Variants in SMOC2 observed in about 807,000 individuals in gnomAD.
SMOC2 encodes the protein SPARC-related modular calcium-binding protein 2.
SMOC2 carries 39 observed loss-of-function variants against 61.4 expected under a neutral mutation model. The ratio of observed to expected loss-of-function variants is 0.64; its 90% CI spans 0.49 to 0.83. The LOEUF is 0.83. SMOC2 is among the 40% of genes least tolerant of loss of function. The pLI, the probability that SMOC2 is intolerant of heterozygous loss-of-function variation, is 0.00. For synonymous variants in SMOC2, 247 were observed against 239.9 expected, an observed-to-expected ratio of 1.03 and a Z score of -0.27; for missense variants, 556 against 592.9, an observed-to-expected ratio of 0.94 and a Z score of 0.65.
At chr6:168,621,811 T>C (rs540334448) in intron 9 of SMOC2, among the ~76,000 whole-genome samples, 63 of 152,296 alleles carry the variant, frequency 4.1e-4, no homozygotes, top group African/African-American at 1.4e-3. Flanking sequence ...ACCTTTGACA[T>C]GTGTAGATTA....
intron 4 of SMOC2, 22 bp from the exon 5 acceptor site, chr6:168,543,603 A>C (rs1340565012): frequency 6.2e-7 from 1 of 1,609,050 alleles, no homozygotes; most frequent in African/African-American, 1.3e-5. Flanking sequence ...ATTTCATTTC[A>C]CTCCTTATTT....
intron 7 of SMOC2, 65 bp downstream of exon 7, chr6:168,549,268 T>C: frequency 6.6e-7 from 1 of 1,507,076 alleles, no homozygotes; most frequent in Non-Finnish European, 9.2e-7. Context: ...TGATGGGGTT[T>C]TTTTTTGGAG....
chr6:168,564,840 A>G (rs1167479017), intron 7 of SMOC2, among the ~76,000 whole-genome samples: 4 of 152,202 alleles, frequency 2.6e-5, no homozygotes, highest in African/African-American at 4.8e-5. Flanking sequence ...CTGCTGTGCA[A>G]ACAATGCACT....
At chr6:168,603,176 C>T (rs891717943) in intron 8 of SMOC2, among the ~76,000 whole-genome samples, 1 of 150,698 alleles carries the variant, frequency 6.6e-6, no homozygotes, top group Non-Finnish European at 1.5e-5. Context: ...GTCTCCTTTG[C>T]TTTCTGCCAT....
chr6:168,590,707 G>A (rs978681166), intron 7 of SMOC2, among the ~76,000 whole-genome samples: 3 of 152,086 alleles, frequency 2.0e-5, no homozygotes, highest in Admixed American at 6.5e-5. Flanking sequence ...TGCTTTAGGC[G>A]TCGTCATACT....
At chr6:168,444,361 C>T (rs146644111) in intron 1 of SMOC2, among the ~76,000 whole-genome samples, 295 of 152,290 alleles carry the variant, frequency 1.9e-3, no homozygotes, top group South Asian at 8.3e-3. Context: ...GGTGAGTGTG[C>T]TTTCTTGGTG....
intron 9 of SMOC2, among the ~76,000 whole-genome samples, chr6:168,649,807 C>G (rs2115272100): frequency 6.6e-6 from 1 of 152,280 alleles, no homozygotes; most frequent in East Asian, 1.9e-4. Context: ...AGAGAGGAGA[C>G]CTATGTTGTC....
chr6:168,527,132 G>A (rs540457046), intron 3 of SMOC2, among the ~76,000 whole-genome samples: 1 of 152,184 alleles, frequency 6.6e-6, no homozygotes, highest in Non-Finnish European at 1.5e-5. Context: ...TTACATCATC[G>A]TTTGGCCTTT....
chr6:168,644,239 C>T (rs886864969), intron 9 of SMOC2, among the ~76,000 whole-genome samples: 2 of 152,186 alleles, frequency 1.3e-5, no homozygotes, highest in Non-Finnish European at 2.9e-5. Flanking sequence ...GGGACCCCTC[C>T]GCCCTGGGAA....
chr6:168,467,655 A>G (rs900898026), intron 1 of SMOC2, among the ~76,000 whole-genome samples: 2 of 152,198 alleles, frequency 1.3e-5, no homozygotes, highest in African/African-American at 4.8e-5. Context: ...GGATCTTACT[A>G]TGTTGCCCAG....
intron 8 of SMOC2, among the ~76,000 whole-genome samples, chr6:168,602,854 A>G (rs2115193246): frequency 6.6e-6 from 1 of 152,286 alleles, no homozygotes; most frequent in East Asian, 1.9e-4. Flanking sequence ...TTGTAGCCAC[A>G]GTGGCTGGGG....
intron 1 of SMOC2, among the ~76,000 whole-genome samples, chr6:168,449,105 A>C (rs1043264802): frequency 1.3e-5 from 2 of 152,180 alleles, no homozygotes; most frequent in Non-Finnish European, 2.9e-5. Context: ...AAGTGAACGC[A>C]GACCTGCCTG....
At chr6:168,559,224 G>C (rs1216957934) in intron 7 of SMOC2, among the ~76,000 whole-genome samples, 2 of 152,170 alleles carry the variant, frequency 1.3e-5, no homozygotes, top group Admixed American at 6.5e-5. Context: ...GGGAGGCCAA[G>C]GTGGGTGGAT....
intron 1 of SMOC2, among the ~76,000 whole-genome samples, chr6:168,464,205 G>A (rs1448366129): frequency 7.2e-6 from 1 of 138,994 alleles, no homozygotes; most frequent in African/African-American, 2.9e-5. Context: ...AAAAAAAAGA[G>A]GAAGGAAGAA....
At chr6:168,600,787 T>A (rs901230062) in intron 8 of SMOC2, among the ~76,000 whole-genome samples, 2 of 152,208 alleles carry the variant, frequency 1.3e-5, no homozygotes, top group Non-Finnish European at 2.9e-5. Flanking sequence ...AAAGTGAGGC[T>A]GTGCTAAAGA....
intron 9 of SMOC2, among the ~76,000 whole-genome samples, chr6:168,624,709 CACACAG>C (rs1362555630): frequency 3.3e-5 from 5 of 151,822 alleles, no homozygotes; most frequent in Admixed American, 1.3e-4. Context: ...TGTACACGGA[CACACAG>C]ACACAGACAC....
chr6:168,512,991 T>C (rs558179310), intron 2 of SMOC2, among the ~76,000 whole-genome samples: 13 of 152,332 alleles, frequency 8.5e-5, no homozygotes, highest in African/African-American at 3.1e-4. Context: ...TTAAAGTTAT[T>C]TAAAACACAG....
chr6:168,624,794 C>A (rs2115237881), intron 9 of SMOC2, among the ~76,000 whole-genome samples: 1 of 152,046 alleles, frequency 6.6e-6, no homozygotes, highest in East Asian at 1.9e-4. Context: ...CAGATACACA[C>A]AGACACATGC....
At chr6:168,585,429 T>C (rs1785025404) in intron 7 of SMOC2, among the ~76,000 whole-genome samples, 1 of 152,270 alleles carries the variant, frequency 6.6e-6, no homozygotes, top group Non-Finnish European at 1.5e-5. Flanking sequence ...TGTATGCAGA[T>C]ACCACAGCTT....
Sources: allele counts gnomAD v4.1 joint callset (sites outside exome capture counted in the v4.1 genomes callset), GRCh38; gene constraint gnomAD v4.1.1; transcripts MANE v1.5; gene names NCBI Gene and HGNC (gene_info 2026-07-23, HGNC 2026-07-21).